MVK: variants seen among roughly 807,000 people sequenced by gnomAD.
MVK encodes mevalonate kinase.
MVK carries 34 observed loss-of-function variants against 43.2 expected under a neutral mutation model. That is an observed-to-expected ratio of 0.79 (90% CI 0.60 to 1.05). The LOEUF is 1.05. Among genes scored for constraint, MVK ranks in the 50% least tolerant of loss-of-function variants. The pLI, the probability that MVK is intolerant of heterozygous loss-of-function variation, is 0.00. For missense variants in MVK, 395 were observed against 504.0 expected (o/e 0.78, Z 2.07); for synonymous variants, 190 against 219.8 (o/e 0.86, Z 1.20).
rs1307692517 is a variant in MVK at position 109,587,004 on chromosome 12, T to C, written c.677+205T>C. ...CTCCTTCTCCCCTTCAGCTCTTAAA[T>C]TGCAGAGATATCAGAAAGGGAAAGT... On this transcript the variant is annotated intron_variant, in intron 7 of 10. Coordinates refer to ENST00000228510, the MANE Select transcript of MVK (RefSeq NM_000431.4). 6.6e-6 allele frequency: 4 copies of C among 603,762 alleles called. No homozygotes were observed. In the African/African-American group the frequency reaches 7.4e-5, roughly 11 times the overall value. The allele number at this position is 603,762 out of a possible 1,614,324, so 37.4% of individuals were successfully genotyped here.
At chr12:109,589,557 G>A (rs1359816081) in intron 7 of MVK, 1 of 150,848 alleles carries the variant, frequency 6.6e-6, no homozygotes, top group East Asian at 1.9e-4. Context: ...GAAGAGAAAA[G>A]CCAAATAGAA....
rs941907871 is a variant in MVK, at chr12:109,596,984, G to T, written c.*407G>T. 1.4e-5 allele frequency: 4 copies of T among 285,472 alleles called. No homozygotes were observed. Among genetic ancestry groups the T allele is most frequent in the South Asian group, 1.0e-4 (3 of 29,406 alleles). The allele number at this position is 285,472 out of a possible 1,614,324, so 17.7% of individuals were successfully genotyped here. A position where few individuals can be genotyped will look rare whatever the true frequency, so the allele number is the denominator to read the frequency against. ...CCTTCTCTCTCCCTTTTCAGGGACC[G>T]CCCCCTGTCTCTCAGGGCCAGGCCT... On this transcript the variant is annotated 3_prime_UTR_variant, in exon 11 of 11. Coordinates refer to ENST00000228510, the MANE Select transcript of MVK (RefSeq NM_000431.4).
Position 109,590,814 on chromosome 12 carries a change from C to G in MVK, c.721C>G (p.Arg241Gly). 1 of 1,614,214 alleles carries G rather than the reference C, an allele frequency of 6.2e-7. No homozygotes were observed. The highest frequency in any genetic ancestry group is 1.7e-5 in the Admixed American group (1 of 60,032). Reference sequence around the variant, plus strand: ...CCTGCTGACCAACACCAAAGTCCCTCGCAATACCAGGGCCCTTGTGGCTGG... The same window carrying G: ...CCTGCTGACCAACACCAAAGTCCCTGGCAATACCAGGGCCCTTGTGGCTGG... ...QILLTNTKVP[R>G]NTRALVAGVR... Residue 241 changes from arginine to glycine, a missense_variant, in exon 8 of 11, where the codon CGC (arginine) becomes GGC (glycine). Arg to Gly is a moderately radical substitution (Grantham distance 125). Transcript: ENST00000228510.
At chr12:109,582,142 C>T (rs1052228633) in intron 5 of MVK, among the ~76,000 whole-genome samples, 6 of 152,202 alleles carry the variant, frequency 3.9e-5, no homozygotes, top group Admixed American at 1.3e-4. Context: ...ACAGGCTTGA[C>T]CACAGACCAT....
intron 3 of MVK, 83 bp downstream of exon 3, chr12:109,576,228 G>A (rs1010958125): frequency 1.9e-6 from 3 of 1,566,662 alleles, no homozygotes; most frequent in African/African-American, 2.7e-5. Context: ...GTCCCCAAGG[G>A]AGCCAGGGGC....
chr12:109,586,695 A>G (rs1275641361), intron 6 of MVK, 59 bp from the exon 7 acceptor site: 2 of 1,596,578 alleles, frequency 1.3e-6, no homozygotes, highest in African/African-American at 2.7e-5. Context: ...CCTCTCTCCC[A>G]AGTAGCACAG....
chr12:109,587,458 A>G (rs1885488133), intron 7 of MVK, among the ~76,000 whole-genome samples: 1 of 152,168 alleles, frequency 6.6e-6, no homozygotes, highest in South Asian at 2.1e-4. Context: ...TTCTGTTTGC[A>G]CCCACGGCAG....
chr12:109,592,800 T>G (rs1340443532), intron 9 of MVK, among the ~76,000 whole-genome samples: 3 of 152,194 alleles, frequency 2.0e-5, no homozygotes, highest in Non-Finnish European at 4.4e-5. Context: ...GGGCAGCGCC[T>G]CCATCGAATT....
At chr12:109,591,411 G>GA in intron 9 of MVK, 54 bp downstream of exon 9, 9 of 1,509,008 alleles carry the variant, frequency 6.0e-6, no homozygotes, top group Non-Finnish European at 7.4e-6. Context: ...ACTGTCCAAG[G>GA]CAGTGGCTCT....
chr12:109,590,926 C>G, intron 8 of MVK, 65 bp downstream of exon 8: 1 of 1,538,906 alleles, frequency 6.5e-7, no homozygotes, highest in Non-Finnish European at 9.0e-7. Context: ...TCTGGATTTT[C>G]GAGGTCTCCC....
chr12:109,576,403 C>A (rs1378425929), intron 3 of MVK, among the ~76,000 whole-genome samples: 3 of 151,894 alleles, frequency 2.0e-5, no homozygotes, highest in Non-Finnish European at 2.9e-5. Flanking sequence ...AAACAGCAAA[C>A]ATACGTATTT....
intron 7 of MVK, chr12:109,589,260 A>C (rs548939793): frequency 6.6e-6 from 1 of 152,396 alleles, no homozygotes; most frequent in African/African-American, 2.4e-5. Context: ...GGACTTGTCT[A>C]AGAAAGATGA....
chr12:109,597,566 G>T lies in MVK; in HGVS notation c.*989G>T, dbSNP rs1885973792. The T allele has an allele frequency of 6.6e-6, 1 of 152,212 alleles. No homozygotes were observed. The highest frequency in any genetic ancestry group is 2.1e-4 in the South Asian group (1 of 4,832). 9.4% of individuals were successfully genotyped at this position (152,212 alleles called of 1,614,324 possible). On this transcript the variant is annotated 3_prime_UTR_variant, in exon 11 of 11. Coordinates refer to ENST00000228510, the MANE Select transcript of MVK (RefSeq NM_000431.4). Reference sequence around the variant, plus strand: ...AGACAGGAAAGCAGAACCTGCCATCGCTCCTGGGGCGCGCCTTCCTTTCTG... The same window carrying T: ...AGACAGGAAAGCAGAACCTGCCATCTCTCCTGGGGCGCGCCTTCCTTTCTG...
chr12:109,579,907 C>G lies in MVK; in HGVS notation c.332C>G (p.Ala111Gly). ...CAVTERLAVLAFLYLYLSICR... is the reference protein window; with the variant it reads ...CAVTERLAVLGFLYLYLSICR... ...GTCACCGAGCGCCTGGCTGTGCTGGCCTTTCTTTACTTATACCTGTCCATC... is the reference window on the plus strand; with the variant it reads ...GTCACCGAGCGCCTGGCTGTGCTGGGCTTTCTTTACTTATACCTGTCCATC... The change falls in exon 4 of 11, where the codon GCC becomes GGC. Residue 111 changes from alanine (A) to glycine (G), a missense_variant. Ala to Gly is a moderately conservative substitution (Grantham distance 60, BLOSUM62 0). Coordinates refer to ENST00000228510, the MANE Select transcript of MVK (RefSeq NM_000431.4). 6.2e-7 allele frequency: 1 copy of G among 1,614,224 alleles called. No homozygotes were observed. Among genetic ancestry groups the G allele is most frequent in the South Asian group, 1.1e-5 (1 of 91,084 alleles).
chr12:109,597,851 T>G lies in MVK; in HGVS notation c.*1274T>G, dbSNP rs1272101321. ...GGATTTCAGGATGAGGTGAAAGCGA[T>G]TCAGTGCGCGTCTGCCCTTGGCCAC... On this transcript the variant is annotated 3_prime_UTR_variant, in exon 11 of 11. Coordinates refer to ENST00000228510, the MANE Select transcript of MVK (RefSeq NM_000431.4). 6.6e-6 allele frequency: 1 copy of G among 152,140 alleles called. No individual in the cohort carries two copies. Among genetic ancestry groups the G allele is most frequent in the Non-Finnish European group, 1.5e-5 (1 of 68,046 alleles). 9.4% of individuals were successfully genotyped at this position (152,140 alleles called of 1,614,324 possible). A position where few individuals can be genotyped will look rare whatever the true frequency, so the allele number is the denominator to read the frequency against.
chr12:109,573,392 G>A (rs1397594349), upstream of MVK: 9 of 1,612,332 alleles, frequency 5.6e-6, no homozygotes, highest in Non-Finnish European at 7.6e-6. Context: ...CTGGAAACGG[G>A]GATACAGGAG....
rs755026930 is a variant in MVK at position 109,596,418 on chromosome 12, C to A, written c.1040-8C>A. 3.7e-6 allele frequency: 6 copies of A among 1,612,792 alleles called. No homozygotes were observed. The highest frequency in any genetic ancestry group is 5.1e-6 in the Non-Finnish European group (6 of 1,179,756). On this transcript the variant is annotated splice_region_variant and splice_polypyrimidine_tract_variant and intron_variant, in intron 10 of 10. Transcript: ENST00000228510. ...TTGTCAAGGGTGACCTGCCTTCCCT[C>A]CCCGCAGGGCTGGAGCAGCCAGAAG...
intron 5 of MVK, among the ~76,000 whole-genome samples, chr12:109,584,694 G>C (rs1193101022): frequency 6.6e-6 from 1 of 152,090 alleles, no homozygotes; most frequent in African/African-American, 2.4e-5. Flanking sequence ...AGATCAGCCT[G>C]GCCAACACAG....
rs925637712 is a variant in MVK, at chr12:109,595,717, G to T, written c.1039+536G>T. 6.6e-6 allele frequency among the ~76,000 whole-genome samples: 1 copy of T among 152,140 alleles called. No homozygotes were observed. The highest frequency in any genetic ancestry group is 2.4e-5 in the African/African-American group (1 of 41,422). On this transcript the variant is annotated intron_variant, in intron 10 of 10. Transcript: ENST00000228510. The surrounding 1 kb of genome is among the most constrained non-coding windows in gnomAD (Gnocchi z 5.9). ...GACACCTACCTCTGCCCTCAGGCTCGCTCCTGGCCTACAGTAGGCACTAAC... is the reference window on the plus strand; with the variant it reads ...GACACCTACCTCTGCCCTCAGGCTCTCTCCTGGCCTACAGTAGGCACTAAC...
Sources: allele counts gnomAD v4.1 joint callset (sites outside exome capture counted in the v4.1 genomes callset), GRCh38; gene constraint gnomAD v4.1.1; non-coding constraint Gnocchi (gnomAD v3.1); transcripts MANE v1.5; gene names NCBI Gene and HGNC (gene_info 2026-07-23, HGNC 2026-07-21).